Variants in HERC1 observed in about 807,000 individuals in gnomAD.
HERC1 encodes probable E3 ubiquitin-protein ligase HERC1.
In HERC1, 160 loss-of-function variants were observed where a neutral mutation model predicts 554.3. The ratio of observed to expected loss-of-function variants is 0.29; its 90% CI spans 0.25 to 0.33. The LOEUF (loss-of-function observed/expected upper bound fraction) is 0.33, where lower values mean the gene tolerates loss of function less well. HERC1 is among the 10% of genes least tolerant of loss of function. The pLI is 1.00. For synonymous variants in HERC1, 2,175 were observed against 2,131.7 expected (o/e 1.02, Z -0.56); for missense variants, 4,919 against 5,918.5 (o/e 0.83, Z 5.54).
intron 59 of HERC1, among the ~76,000 whole-genome samples, chr15:63,642,705 A>G (rs1595879566): frequency 6.6e-6 from 1 of 152,186 alleles, no homozygotes; most frequent in African/African-American, 2.4e-5. Flanking sequence ...ATCACTTCCA[A>G]TGGAAATGAA....
At position 63,666,380 on chromosome 15, in the gene HERC1, T is replaced by C. The variant is rs754932554; in HGVS notation, c.8299A>G (p.Ile2767Val). 2.5e-6 allele frequency: 4 copies of C among 1,612,862 alleles called. No homozygotes were observed. Among genetic ancestry groups the C allele is most frequent in the African/African-American group, 2.7e-5 (2 of 74,880 alleles). Residue 2767 changes from isoleucine (I) to valine (V), a missense_variant, in exon 41 of 78, where the codon ATT (isoleucine) becomes GTT (valine). By Grantham distance (29) the Ile-to-Val change is conservative. Coordinates refer to ENST00000443617, the MANE Select transcript of HERC1 (RefSeq NM_003922.4). ...LLEMGFSLRQIAKAMEATGAR... is the reference protein window; with the variant it reads ...LLEMGFSLRQVAKAMEATGAR... ...CCTGTAGCTTCCATGGCTTTGGCAA[T>C]CTGCCGAAGAGAGAACCCCATTTCC...
In HERC1 at chr15:63,733,006, T is replaced by C; in HGVS notation, c.2786A>G (p.Tyr929Cys). ...TGYGNLSDQP[Y>C]GTQSCHPDTH... ...ATCTGGATGGCAGCTCTGAGTGCCG[T>C]AAGGTTGATCTGACAGATTTCCGTA... Residue 929 changes from tyrosine (Y) to cysteine (C), a missense_variant, in exon 14 of 78, where the codon TAC becomes TGC. Coordinates refer to ENST00000443617, the MANE Select transcript of HERC1 (RefSeq NM_003922.4). The C allele has an allele frequency of 6.2e-7, 1 of 1,613,942 alleles. No individual in the cohort carries two copies. The highest frequency in any genetic ancestry group is 8.5e-7 in the Non-Finnish European group (1 of 1,179,862).
rs2075494111 is a variant in HERC1 at position 63,758,146 on chromosome 15, C to A, written c.1221+29G>T. The A allele has an allele frequency of 2.0e-6, 3 of 1,513,404 alleles. No homozygotes were observed. In the East Asian group the frequency reaches 6.8e-5, roughly 35 times the overall value. 93.7% of individuals were successfully genotyped at this position (1,513,404 alleles called of 1,614,324 possible). ...GCATGAATATACACCAGATTATCTA[C>A]CAGTTTGTAAGCTATTTAGAAAACT... On this transcript the variant is annotated intron_variant, in intron 4 of 77. Coordinates refer to ENST00000443617, the MANE Select transcript of HERC1 (RefSeq NM_003922.4). This position sits in a 1 kb window ranked among gnomAD's most constrained non-coding sequence, Gnocchi z 4.0.
At chr15:63,741,316 C>T (rs1293215186) in intron 12 of HERC1, among the ~76,000 whole-genome samples, 1 of 150,424 alleles carries the variant, frequency 6.6e-6, no homozygotes, top group Non-Finnish European at 1.5e-5. Context: ...CGTGAGCCAC[C>T]GCGCCGGGCC....
chr15:63,610,291 G>T (rs909046699), intron 77 of HERC1, among the ~76,000 whole-genome samples: 4 of 152,270 alleles, frequency 2.6e-5, no homozygotes, highest in African/African-American at 9.6e-5. Flanking sequence ...ACAGCTCAAC[G>T]CAGAAAAACT....
chr15:63,659,837 A>G lies in HERC1; in HGVS notation c.9323T>C (p.Ile3108Thr). ...AGPLGLNDRR[I>T]VPEPVQFPDS... ...AGGGAACTGAACTGGTTCTGGTACA[A>G]TGCGCCGGTCATTTAAACCAAGCGG... Residue 3108 changes from isoleucine (I) to threonine (T), a missense_variant, in exon 47 of 78, where the codon ATT becomes ACT. Transcript: ENST00000443617. 1 of 1,613,924 alleles carries G rather than the reference A, an allele frequency of 6.2e-7. No individual in the cohort carries two copies.
chr15:63,643,049 C>T lies in HERC1; in HGVS notation c.11341G>A (p.Val3781Ile). ...GAGCCTATCACAACAGTTTGCAAGA[C>T]AGAGCCATCCTAAAATGAGATATAT... ...MNIWSLRDGS[V>I]LQTVVIGSGA... The change falls in exon 59 of 78, where the codon GTC becomes ATC. Residue 3781 changes from valine to isoleucine, a missense_variant. By Grantham distance (29) the Val-to-Ile change is conservative (BLOSUM62 3). Around this residue, in one of 11 missense-constraint regions of HERC1, gnomAD observed 1,963 missense variants for 2,228.6 expected, o/e 0.88. Coordinates refer to ENST00000443617, the MANE Select transcript of HERC1 (RefSeq NM_003922.4). The T allele has an allele frequency of 1.2e-6, 2 of 1,604,988 alleles. No homozygotes were observed. The highest frequency in any genetic ancestry group is 1.7e-4 in the Middle Eastern group (1 of 6,056).
chr15:63,828,883 T>G (rs1045844471), intron 1 of HERC1, among the ~76,000 whole-genome samples: 1 of 152,176 alleles, frequency 6.6e-6, no homozygotes, highest in Non-Finnish European at 1.5e-5. Flanking sequence ...ACTATAAGGC[T>G]AAAGCAAAAA....
At chr15:63,823,531 T>C (rs1254496667) in intron 1 of HERC1, among the ~76,000 whole-genome samples, 1 of 152,214 alleles carries the variant, frequency 6.6e-6, no homozygotes, top group African/African-American at 2.4e-5. Context: ...CAGATCTAAC[T>C]GGTGACAATG....
At chr15:63,632,128 C>T (rs1188906371) in intron 68 of HERC1, among the ~76,000 whole-genome samples, 2 of 152,260 alleles carry the variant, frequency 1.3e-5, no homozygotes, top group East Asian at 3.9e-4. Context: ...TTACCCTTCC[C>T]CACAAACCAG....
rs547722114 is a variant in HERC1, at chr15:63,727,235, C to T, written c.3346+412G>A. Among the ~76,000 whole-genome samples the T allele has an allele frequency of 1.2e-4, 19 of 152,210 alleles. No individual in the cohort carries two copies. The East Asian group carries it at 3.7e-3, about 29-fold the overall frequency. On this transcript the variant is annotated intron_variant, in intron 17 of 77. Coordinates refer to ENST00000443617, the MANE Select transcript of HERC1 (RefSeq NM_003922.4). The surrounding 1 kb of genome is among the most constrained non-coding windows in gnomAD (Gnocchi z 4.3). ...AGGTTGCAATGAGGCAAGATTGCGC[C>T]ACTGCATTCCAGCCTGGGCAACAGA...
In HERC1 at chr15:63,756,315, A is replaced by T; in HGVS notation, c.1533+122T>A. The T allele has an allele frequency of 4.0e-6, 3 of 746,274 alleles. No homozygotes were observed. The highest frequency in any genetic ancestry group is 6.8e-6 in the Non-Finnish European group (3 of 440,468). The allele number at this position is 746,274 out of a possible 1,614,324, so 46.2% of individuals were successfully genotyped here. On this transcript the variant is annotated intron_variant, in intron 5 of 77. Coordinates refer to ENST00000443617, the MANE Select transcript of HERC1 (RefSeq NM_003922.4). The surrounding 1 kb of genome is among the most constrained non-coding windows in gnomAD (Gnocchi z 5.0). Reference sequence around the variant, plus strand: ...CTGTAAACTGTAAAGCAGAGATACAAAAGATTAAGCCAAAGGGTTGAAGGG... The same window carrying T: ...CTGTAAACTGTAAAGCAGAGATACATAAGATTAAGCCAAAGGGTTGAAGGG...
At chr15:63,623,674 A>G in intron 73 of HERC1, 51 bp downstream of exon 73, 1 of 1,557,780 alleles carries the variant, frequency 6.4e-7, no homozygotes. Flanking sequence ...AAACAGCAAA[A>G]TGGCCACTAG....
intron 1 of HERC1, among the ~76,000 whole-genome samples, chr15:63,781,434 T>C (rs1454208885): frequency 6.6e-6 from 1 of 152,218 alleles, no homozygotes; most frequent in Non-Finnish European, 1.5e-5. Flanking sequence ...TCATTATTAT[T>C]ATAACTGTTA....
At position 63,775,346 on chromosome 15, in the gene HERC1, A is replaced by G. The variant is rs919751060; in HGVS notation, c.278T>C (p.Val93Ala). Residue 93 changes from valine to alanine, a missense_variant, in exon 2 of 78, where the codon GTA becomes GCA. By Grantham distance (64) the Val-to-Ala change is moderately conservative (BLOSUM62 0). Transcript: ENST00000443617. The surrounding 1 kb of genome is among the most constrained non-coding windows in gnomAD (Gnocchi z 4.0). ...CCCGGCAAATGGGGAATCTGAACAT[A>G]CCATCTTTGCCAATGCTAGCTGGCT... The part of the protein sequence containing the change: ...LSSQLALAKM[V>A]CSDSPFAGAL... 1.7e-5 allele frequency: 27 copies of G among 1,613,842 alleles called. No individual in the cohort carries two copies. Among genetic ancestry groups the G allele is most frequent in the Non-Finnish European group, 2.3e-5 (27 of 1,179,866 alleles).
At chr15:63,822,578 T>C (rs1440949832) in intron 1 of HERC1, among the ~76,000 whole-genome samples, 2 of 151,208 alleles carry the variant, frequency 1.3e-5, no homozygotes, top group African/African-American at 4.9e-5. Context: ...AGAGCAAGAC[T>C]CTGTCTCAAA....
chr15:63,814,119 T>C (rs28649170), intron 1 of HERC1, among the ~76,000 whole-genome samples: 40,529 of 151,904 alleles, frequency 0.27, 5,871 homozygotes, highest in Middle Eastern at 0.38. Flanking sequence ...TATAAAACTA[T>C]ATGTACAGAA....
At chr15:63,737,996 A>G (rs2074622501) in intron 12 of HERC1, among the ~76,000 whole-genome samples, 1 of 152,182 alleles carries the variant, frequency 6.6e-6, no homozygotes. Flanking sequence ...CATTTAATGT[A>G]TTTTCTATCA....
intron 39 of HERC1, among the ~76,000 whole-genome samples, chr15:63,670,460 A>C (rs2070851246): frequency 6.6e-6 from 1 of 152,214 alleles, no homozygotes; most frequent in South Asian, 2.1e-4. Context: ...TCAGTAATAC[A>C]ATGGTATACA....
Sources: gnomAD v4.1 joint callset for allele counts (sites outside exome capture counted in the v4.1 genomes callset) on GRCh38, gnomAD v4.1.1 for gene constraint, gnomAD v4.1.1 regional missense constraint, Gnocchi (gnomAD v3.1) non-coding constraint, MANE v1.5 for transcripts, NCBI Gene and HGNC (gene_info 2026-07-23, HGNC 2026-07-21) for gene names.